Variants in GLRX3 observed in about 807,000 individuals in gnomAD.
The protein encoded by GLRX3 is glutaredoxin 3.
Under a neutral mutation model 49.5 loss-of-function variants are expected in GLRX3, and 22 were observed. The ratio of observed to expected loss-of-function variants is 0.44; its 90% CI spans 0.32 to 0.63. The LOEUF (loss-of-function observed/expected upper bound fraction) is 0.63, where lower values mean the gene tolerates loss of function less well. Ranked by LOEUF, GLRX3 falls within the 30% of genes least tolerant of loss-of-function variation. GLRX3 has a pLI of 0.05. For missense variants in GLRX3, 385 were observed against 396.3 expected (o/e 0.97, Z 0.24); for synonymous variants, 133 against 140.0 (o/e 0.95, Z 0.35).
intron 10 of GLRX3, among the ~76,000 whole-genome samples, chr10:130,176,635 T>C (rs560939054): frequency 6.6e-6 from 1 of 152,214 alleles, no homozygotes; most frequent in African/African-American, 2.4e-5. Flanking sequence ...CAGTGAGACA[T>C]TTTTCCTGGG....
chr10:130,162,061 CT>C (rs1862585967), intron 4 of GLRX3, among the ~76,000 whole-genome samples: 1 of 152,216 alleles, frequency 6.6e-6, no homozygotes, highest in Non-Finnish European at 1.5e-5. Context: ...GACGGAACCT[CT>C]GTCTACTAGG....
At chr10:130,137,700 G>A (rs1352808831) in intron 1 of GLRX3, among the ~76,000 whole-genome samples, 1 of 152,206 alleles carries the variant, frequency 6.6e-6, no homozygotes, top group Admixed American at 6.5e-5. Context: ...TCAGTAGGAA[G>A]TAGAATGGTT....
intron 1 of GLRX3, among the ~76,000 whole-genome samples, chr10:130,144,534 C>T (rs1862236139): frequency 6.6e-6 from 1 of 152,026 alleles, no homozygotes; most frequent in Non-Finnish European, 1.5e-5. Context: ...GTTCACCTCC[C>T]ACTTATGAAT....
At chr10:130,170,862 G>T (rs951462363) in intron 7 of GLRX3, among the ~76,000 whole-genome samples, 2 of 152,074 alleles carry the variant, frequency 1.3e-5, no homozygotes, top group Admixed American at 1.3e-4. Context: ...GGCTGGATGC[G>T]GTAGCTCATG....
intron 1 of GLRX3, among the ~76,000 whole-genome samples, chr10:130,142,538 A>T (rs1862195205): frequency 6.6e-6 from 1 of 152,154 alleles, no homozygotes; most frequent in Non-Finnish European, 1.5e-5. Flanking sequence ...AGTAAAATAA[A>T]CATATAAGGA....
chr10:130,166,373 C>A, intron 4 of GLRX3, 134 bp from the exon 5 acceptor site: 1 of 607,044 alleles, frequency 1.6e-6, no homozygotes, highest in Non-Finnish European at 2.9e-6. Context: ...TTCAGCCATG[C>A]TAATTAAATC....
At chr10:130,159,851 T>C in intron 2 of GLRX3, 144 bp from the exon 3 acceptor site, 1 of 1,351,552 alleles carries the variant, frequency 7.4e-7, no homozygotes, top group South Asian at 1.7e-5. Context: ...CTCATTTAAA[T>C]GTAAATGTGT....
chr10:130,161,469 C>G (rs781567551), intron 4 of GLRX3, among the ~76,000 whole-genome samples: 2 of 152,176 alleles, frequency 1.3e-5, no homozygotes, highest in East Asian at 1.9e-4. Flanking sequence ...TTGTGTCCAG[C>G]CTGTGTGCTT....
chr10:130,171,614 C>T lies in GLRX3; in HGVS notation c.802C>T (p.Leu268=), dbSNP rs1276522248. 7.8e-6 allele frequency: 12 copies of T among 1,546,814 alleles called. No individual in the cohort carries two copies. Among genetic ancestry groups the T allele is most frequent in the Non-Finnish European group, 1.1e-5 (12 of 1,118,922 alleles). Residue 268 remains leucine, a synonymous_variant, in exon 8 of 11, where the codon CTG becomes TTG. Coordinates refer to ENST00000331244, the MANE Select transcript of GLRX3 (RefSeq NM_006541.5). ...AAAATGTGGATTCAGCAAACAAATT[C>T]TGGAAATACTAAATAGTACTGGGTA... ...EAKCGFSKQI[L]EILNSTGVEY... is the part of the protein sequence containing the mutation.
chr10:130,169,376 GA>G, intron 6 of GLRX3, 56 bp from the exon 7 acceptor site: 1 of 1,029,040 alleles, frequency 9.7e-7, no homozygotes. Context: ...CGAAGCGGAG[GA>G]AAAGTGGTGT....
chr10:130,163,277 T>A (rs1276186876), intron 4 of GLRX3, among the ~76,000 whole-genome samples: 1 of 151,848 alleles, frequency 6.6e-6, no homozygotes, highest in Non-Finnish European at 1.5e-5. Context: ...ATACAAAAAT[T>A]AGCTGGGCAT....
intron 2 of GLRX3, among the ~76,000 whole-genome samples, chr10:130,152,647 GT>G (rs1311663699): frequency 6.6e-6 from 1 of 152,220 alleles, no homozygotes. Flanking sequence ...CTTCTGGCTT[GT>G]AGGGTTTCTG....
intron 10 of GLRX3, among the ~76,000 whole-genome samples, chr10:130,177,688 A>G (rs1218580950): frequency 6.6e-6 from 1 of 152,210 alleles, no homozygotes; most frequent in African/African-American, 2.4e-5. Flanking sequence ...GTGTGCTCAG[A>G]AAAGTCCTGC....
rs1478021683 is a variant in GLRX3 at position 130,166,668 on chromosome 10, G to C, written c.640G>C (p.Asp214His). The C allele has an allele frequency of 6.2e-7, 1 of 1,601,308 alleles. No individual in the cohort carries two copies. Among genetic ancestry groups the C allele is most frequent in the Non-Finnish European group, 8.6e-7 (1 of 1,169,060 alleles). The change falls in exon 5 of 11, where the codon GAT becomes CAT. Residue 214 changes from aspartate (D) to histidine (H), a missense_variant. Physicochemically the swap from Asp to His is moderately conservative, Grantham distance 81. This residue lies in a region of GLRX3 where 374 missense variants were observed against 358.6 expected (regional missense o/e 1.04). Transcript: ENST00000331244. The part of the protein sequence containing the change: ...YVSGELIGGL[D>H]IIKELEASEE... ...TTCTGGAGAGCTCATAGGAGGACTT[G>C]ATATAATTAAGGTTAGAATTGAGAA...
chr10:130,165,804 TAAC>T (rs1253012873), intron 4 of GLRX3, among the ~76,000 whole-genome samples: 4 of 152,166 alleles, frequency 2.6e-5, no homozygotes, highest in Admixed American at 2.0e-4. Context: ...TAGTTAAAAA[TAAC>T]AATTGTAGAA....
At chr10:130,151,939 G>T (rs1765432713) in intron 2 of GLRX3, among the ~76,000 whole-genome samples, 1 of 152,092 alleles carries the variant, frequency 6.6e-6, no homozygotes, top group South Asian at 2.1e-4. Context: ...TCTTGACTCT[G>T]TCCAATTTGC....
intron 2 of GLRX3, among the ~76,000 whole-genome samples, chr10:130,146,066 T>G (rs1339936134): frequency 1.3e-5 from 2 of 152,130 alleles, no homozygotes; most frequent in Non-Finnish European, 2.9e-5. Context: ...GTACTGTGAT[T>G]AGGCGTGAGC....
intron 2 of GLRX3, 101 bp from the exon 3 acceptor site, chr10:130,159,894 G>A (rs1862541006): frequency 1.5e-6 from 2 of 1,294,082 alleles, no homozygotes; most frequent in South Asian, 1.4e-5. Flanking sequence ...TTTAAAAAAT[G>A]CCAGCTACTT....
chr10:130,168,502 T>C (rs958008593), intron 6 of GLRX3, among the ~76,000 whole-genome samples: 24 of 152,204 alleles, frequency 1.6e-4, no homozygotes, highest in African/African-American at 5.8e-4. Context: ...TGGAGTGCAG[T>C]GGTGCTATCT....
Sources: gnomAD v4.1 joint callset for allele counts (sites outside exome capture counted in the v4.1 genomes callset) on GRCh38, gnomAD v4.1.1 for gene constraint, gnomAD v4.1.1 regional missense constraint, MANE v1.5 for transcripts, NCBI Gene and HGNC (gene_info 2026-07-23, HGNC 2026-07-21) for gene names.